CSF1R: variants seen among roughly 807,000 people sequenced by gnomAD.
The protein encoded by CSF1R is macrophage colony-stimulating factor 1 receptor.
A neutral mutation model predicts 110.0 loss-of-function variants in CSF1R; 40 were observed. That is an observed-to-expected ratio of 0.36 (90% CI 0.28 to 0.47). The LOEUF (loss-of-function observed/expected upper bound fraction) is 0.47, where lower values mean the gene tolerates loss of function less well. CSF1R is among the 20% of genes least tolerant of loss of function. The pLI is 0.99. For synonymous variants in CSF1R, 523 were observed against 503.4 expected (o/e 1.04, Z -0.52); for missense variants, 1,052 against 1,253.0 (o/e 0.84, Z 2.42).
chr5:150,070,305 G>A lies in CSF1R; in HGVS notation c.1199-3C>T, dbSNP rs774069477. 3.7e-6 allele frequency: 6 copies of A among 1,613,488 alleles called. No homozygotes were observed. The highest frequency in any genetic ancestry group is 5.1e-6 in the Non-Finnish European group (6 of 1,179,620). ...TATGACGCTTACCTCTGGGGGGTCT[G>A]AGGAAGAAAGGAGGAGGCCCCAAGT... On this transcript the variant is annotated splice_polypyrimidine_tract_variant and splice_region_variant and intron_variant, in intron 7 of 20. Coordinates refer to ENST00000675795, the MANE Select transcript of CSF1R (RefSeq NM_001288705.3).
chr5:150,112,715 G>T (rs1309873857), intron 1 of CSF1R, among the ~76,000 whole-genome samples: 1 of 152,200 alleles, frequency 6.6e-6, no homozygotes, highest in Admixed American at 6.5e-5. Flanking sequence ...GCTTTGTATG[G>T]CCAGGCCTTA....
Position 150,070,015 on chromosome 5 carries a change from C to G in CSF1R, c.1368G>C (p.Glu456Asp), listed in dbSNP as rs1417007209. 1.2e-6 allele frequency: 2 copies of G among 1,614,146 alleles called. No individual in the cohort carries two copies. Among genetic ancestry groups the G allele is most frequent in the South Asian group, 2.2e-5 (2 of 91,082 alleles). The part of the protein sequence containing the change: ...VLQVWDDPYP[E>D]VLSQEPFHKV... ...TGTGGAAGGGCTCCTGGCTCAGGAC[C>G]TCAGGGTATGGGTCATCCCAGACCT... The change falls in exon 9 of 21, where the codon GAG becomes GAC. Residue 456 changes from glutamate to aspartate, a missense_variant. Glu to Asp is a conservative substitution (Grantham distance 45). Around this residue, in one of 5 missense-constraint regions of CSF1R, gnomAD observed 693 missense variants for 735.4 expected, o/e 0.94. Transcript: ENST00000675795.
chr5:150,054,506 A>C, intron 19 of CSF1R, 76 bp from the exon 20 acceptor site: 1 of 1,257,804 alleles, frequency 8.0e-7, no homozygotes, highest in East Asian at 2.4e-5. Context: ...CCCTAGAGAG[A>C]CCTACCCAGC....
intron 10 of CSF1R, among the ~76,000 whole-genome samples, chr5:150,066,832 C>T (rs1042163553): frequency 9.2e-5 from 14 of 152,140 alleles, no homozygotes; most frequent in African/African-American, 3.4e-4. Context: ...GGCCTTGGAC[C>T]GACAGGGTGG....
At chr5:150,073,665 G>A (rs1171401231) in intron 5 of CSF1R, among the ~76,000 whole-genome samples, 172 bp from the exon 6 acceptor site, 2 of 152,086 alleles carry the variant, frequency 1.3e-5, no homozygotes, top group African/African-American at 4.8e-5. Flanking sequence ...ACCCCCTTCA[G>A]AATCCCTGGA....
At chr5:150,111,008 A>G (rs1284476837) in intron 1 of CSF1R, among the ~76,000 whole-genome samples, 1 of 152,030 alleles carries the variant, frequency 6.6e-6, no homozygotes, top group African/African-American at 2.4e-5. Context: ...CATGAGGTTC[A>G]CGTGAAGTTA....
chr5:150,054,186 G>A lies in CSF1R; in HGVS notation c.2802C>T (p.Gly934=), dbSNP rs2113772976. 1 of 1,611,974 alleles carries A rather than the reference G, an allele frequency of 6.2e-7. No individual in the cohort carries two copies. Among genetic ancestry groups the A allele is most frequent in the East Asian group, 2.2e-5 (1 of 44,746 alleles). The change falls in exon 21 of 21, where the codon GGC becomes GGT. Residue 934 remains glycine (G), a synonymous_variant. Coordinates refer to ENST00000675795, the MANE Select transcript of CSF1R (RefSeq NM_001288705.3). ...CCAGCTCACTGCTGCTGCTGCCGCT[G>A]CCACCGCTTCTGCTGCTGCTCGGCA... is the stretch of plus-strand genomic sequence containing the variant. ...TNLPSSSRSG[G]SGSSSSELEE...
At chr5:150,105,495 C>T (rs1230940229) in intron 1 of CSF1R, among the ~76,000 whole-genome samples, 8 of 150,470 alleles carry the variant, frequency 5.3e-5, no homozygotes, top group Non-Finnish European at 8.9e-5. Flanking sequence ...GGGTTACAGG[C>T]GTGAGCCACT....
chr5:150,065,709 G>A (rs1045794670), intron 10 of CSF1R, among the ~76,000 whole-genome samples: 8 of 152,258 alleles, frequency 5.3e-5, no homozygotes, highest in African/African-American at 1.7e-4. Context: ...GAGCTAAAGG[G>A]TCTGTGAATG....
rs574728597 is a variant in CSF1R, at chr5:150,063,774, G to A, written c.1627-1925C>T. Among the ~76,000 whole-genome samples, 6 of 152,268 alleles carry A rather than the reference G, an allele frequency of 3.9e-5. No homozygotes were observed. In the South Asian group the frequency reaches 1.0e-3, roughly 26 times the overall value. ...GGAAGACCAAGTTGAGGGGGAAAGT[G>A]GAAGCTGGGCTGGGGCGGTGGAGGA... On this transcript the variant is annotated intron_variant, in intron 10 of 20. Coordinates refer to ENST00000675795, the MANE Select transcript of CSF1R (RefSeq NM_001288705.3).
chr5:150,084,343 A>AAAAGAAAGAAAGAAAGAGAGAAAGAAAG (rs1758702810), intron 1 of CSF1R, among the ~76,000 whole-genome samples: 3 of 84,564 alleles, frequency 3.5e-5, no homozygotes, highest in East Asian at 6.0e-4. Flanking sequence ...AAAGATAGAA[A>AAAAGAAAGAAAGAAAGAGAGAAAGAAAG]AAAGAAAGAA....
chr5:150,067,488 A>G (rs1757824634), intron 10 of CSF1R, among the ~76,000 whole-genome samples: 1 of 152,228 alleles, frequency 6.6e-6, no homozygotes, highest in East Asian at 1.9e-4. Flanking sequence ...GCATTAAATG[A>G]GATGATGTAG....
At chr5:150,110,014 G>A (rs781482679) in intron 1 of CSF1R, among the ~76,000 whole-genome samples, 10 of 151,790 alleles carry the variant, frequency 6.6e-5, no homozygotes, top group Middle Eastern at 3.4e-3. Context: ...GGATCTCTTC[G>A]CCCCCTTGCT....
rs1032987693 is a variant in CSF1R, at chr5:150,080,292, A to G, written c.352T>C (p.Phe118Leu). ...GGCAGTAGTGCGTCCTGGTCCTCGA[A>G]CACGACCACCTCCTGTGCTAGCACG... ...WNVLAQEVVV[F>L]EDQDALLPCL... is the part of the protein sequence containing the mutation. The change falls in exon 3 of 21, where the codon TTC (phenylalanine) becomes CTC (leucine). Residue 118 changes from phenylalanine to leucine, a missense_variant. Phe to Leu is a conservative substitution (Grantham distance 22). Coordinates refer to ENST00000675795, the MANE Select transcript of CSF1R (RefSeq NM_001288705.3). The G allele has an allele frequency of 1.9e-6, 3 of 1,613,760 alleles. No individual in the cohort carries two copies. In the African/African-American group the frequency reaches 4.0e-5, roughly 22 times the overall value.
intron 5 of CSF1R, among the ~76,000 whole-genome samples, chr5:150,075,949 C>A (rs759241335): frequency 6.6e-6 from 1 of 152,234 alleles, no homozygotes; most frequent in Non-Finnish European, 1.5e-5. Context: ...CAGTGATGCT[C>A]ATGATTCTCA....
At chr5:150,110,421 A>G (rs1759682637) in intron 1 of CSF1R, among the ~76,000 whole-genome samples, 1 of 152,220 alleles carries the variant, frequency 6.6e-6, no homozygotes, top group Non-Finnish European at 1.5e-5. Flanking sequence ...TTCGAGTGCT[A>G]TTTCTTTGTG....
At chr5:150,107,543 A>T (rs1759589938) in intron 1 of CSF1R, among the ~76,000 whole-genome samples, 1 of 152,242 alleles carries the variant, frequency 6.6e-6, no homozygotes, top group Non-Finnish European at 1.5e-5. Context: ...GAAGAAAGAC[A>T]GGCTCAAAGA....
intron 1 of CSF1R, among the ~76,000 whole-genome samples, chr5:150,096,325 G>T (rs948500386): frequency 1.3e-5 from 2 of 152,202 alleles, no homozygotes; most frequent in African/African-American, 4.8e-5. Flanking sequence ...GGGAGGCAGA[G>T]GTTGCTGTGA....
In CSF1R at chr5:150,077,555, C is replaced by T. The variant is rs1157353120; in HGVS notation, c.730-120G>A. On this transcript the variant is annotated intron_variant, in intron 4 of 20. Transcript: ENST00000675795. ...CCTTTCCTCTGAGCCTGTTGCTTCA[C>T]TTGTAAAATGGGGCTAATACTGGCT... 22 of 1,130,618 alleles carry T rather than the reference C, an allele frequency of 1.9e-5. No individual in the cohort carries two copies. In the East Asian group the frequency reaches 5.3e-4, roughly 27 times the overall value. 70.0% of individuals were successfully genotyped at this position (1,130,618 alleles called of 1,614,324 possible).
Sources: allele counts gnomAD v4.1 joint callset (sites outside exome capture counted in the v4.1 genomes callset), GRCh38; gene constraint gnomAD v4.1.1; regional missense constraint gnomAD v4.1.1; transcripts MANE v1.5; gene names NCBI Gene and HGNC (gene_info 2026-07-23, HGNC 2026-07-21).